The following RUSC2 variants were observed in gnomAD, a reference collection of about 807,000 sequenced individuals.
RUSC2 encodes the protein RUN and SH3 domain containing 2.
In RUSC2, 34 loss-of-function variants were observed where a neutral mutation model predicts 122.2. The observed-to-expected ratio is 0.28, with a 90% CI of 0.21 to 0.37. The LOEUF is 0.37. Among genes scored for constraint, RUSC2 ranks in the 10% least tolerant of loss-of-function variants. The pLI, the probability that RUSC2 is intolerant of heterozygous loss-of-function variation, is 1.00. For synonymous variants in RUSC2, 784 were observed against 790.0 expected (o/e 0.99, Z 0.13); for missense variants, 1,747 against 1,952.4 (o/e 0.89, Z 1.98).
chr9:35,523,057 T>G (rs1269307541), intron 1 of RUSC2, among the ~76,000 whole-genome samples: 1 of 152,230 alleles, frequency 6.6e-6, no homozygotes, highest in Non-Finnish European at 1.5e-5. Flanking sequence ...AAAAATTACC[T>G]TCTTGGACAG....
chr9:35,555,118 A>C lies in RUSC2; in HGVS notation c.2073A>C (p.Thr691=). 4.3e-6 allele frequency: 7 copies of C among 1,613,328 alleles called. No individual in the cohort carries two copies. Among genetic ancestry groups the C allele is most frequent in the Non-Finnish European group, 5.9e-6 (7 of 1,179,898 alleles). Residue 691 remains threonine, a synonymous_variant, in exon 3 of 12, where the codon ACA becomes ACC. Transcript: ENST00000361226. This position sits in a 1 kb window ranked among gnomAD's most constrained non-coding sequence, Gnocchi z 4.6. ...LRYSKEQRPT[T]LPIQPFVFQH... ...ACAGCAAGGAACAGAGGCCAACCAC[A>C]CTGCCCATCCAGCCCTTCGTGTTCC... is the stretch of plus-strand genomic sequence containing the variant.
rs375918282 is a variant in RUSC2, at chr9:35,548,504, T to A, written c.1983T>A (p.His661Gln). 1 of 1,613,194 alleles carries A rather than the reference T, an allele frequency of 6.2e-7. No individual in the cohort carries two copies. The highest frequency in any genetic ancestry group is 1.3e-5 in the African/African-American group (1 of 75,044). ...TCCCAGGGAGCCCAGCCAACAGCCA[T>A]ACCCAGAGGGATGCAAGAGCTAGAG... ...PALPGSPANS[H>Q]TQRDARARAD... Residue 661 changes from histidine (H) to glutamine (Q), a missense_variant, in exon 2 of 12, where the codon CAT becomes CAA. His to Gln is a conservative substitution (Grantham distance 24). Coordinates refer to ENST00000361226, the MANE Select transcript of RUSC2 (RefSeq NM_014806.5). The surrounding 1 kb of genome is among the most constrained non-coding windows in gnomAD (Gnocchi z 4.5).
chr9:35,559,400 C>A, intron 9 of RUSC2, 128 bp downstream of exon 9: 1 of 805,048 alleles, frequency 1.2e-6, no homozygotes, highest in Non-Finnish European at 2.1e-6. Flanking sequence ...ATCCTCAGAG[C>A]CTCAGGCTTC....
At chr9:35,522,278 C>T (rs1201821732) in intron 1 of RUSC2, among the ~76,000 whole-genome samples, 1 of 152,210 alleles carries the variant, frequency 6.6e-6, no homozygotes, top group African/African-American at 2.4e-5. Flanking sequence ...ATGTTTCTGT[C>T]AGTTAATTAT....
chr9:35,493,906 G>A (rs1820619098), intron 1 of RUSC2, among the ~76,000 whole-genome samples: 1 of 152,148 alleles, frequency 6.6e-6, no homozygotes, highest in African/African-American at 2.4e-5. Context: ...TCTATCTTTT[G>A]GCTATTATGA....
At chr9:35,504,003 G>T (rs960752355) in intron 1 of RUSC2, among the ~76,000 whole-genome samples, 1 of 152,114 alleles carries the variant, frequency 6.6e-6, no homozygotes, top group Non-Finnish European at 1.5e-5. Flanking sequence ...TCAAACTCCT[G>T]GCCTCAAGTG....
intron 1 of RUSC2, among the ~76,000 whole-genome samples, chr9:35,541,994 C>T (rs980418966): frequency 2.0e-5 from 3 of 151,374 alleles, no homozygotes; most frequent in African/African-American, 7.3e-5. Context: ...GATGGCTCTG[C>T]CTCCTTTGGA....
Position 35,556,275 on chromosome 9 carries a change from G to A in RUSC2, c.2843-33G>A, listed in dbSNP as rs746761001. 7 of 1,611,668 alleles carry A rather than the reference G, an allele frequency of 4.3e-6. No individual in the cohort carries two copies. The South Asian group carries it at 5.5e-5, about 13-fold the overall frequency. ...CTGGCCTGGAACTCCTGCACTGAGAGTTGCTCAGGATTGATTTTTCTCTTC... is the reference window on the plus strand; with the variant it reads ...CTGGCCTGGAACTCCTGCACTGAGAATTGCTCAGGATTGATTTTTCTCTTC... On this transcript the variant is annotated intron_variant, in intron 4 of 11. Transcript: ENST00000361226.
chr9:35,532,390 G>A (rs1057308327), intron 1 of RUSC2, among the ~76,000 whole-genome samples: 1 of 152,208 alleles, frequency 6.6e-6, no homozygotes. Context: ...GCCAGGTATT[G>A]TTTTATTAAA....
At position 35,560,990 on chromosome 9, in the gene RUSC2, G is replaced by C; in HGVS notation, c.4242G>C (p.Lys1414Asn). The C allele has an allele frequency of 6.2e-7, 1 of 1,614,222 alleles. No individual in the cohort carries two copies. Among genetic ancestry groups the C allele is most frequent in the South Asian group, 1.1e-5 (1 of 91,082 alleles). Residue 1414 changes from lysine (K) to asparagine (N), a missense_variant, in exon 11 of 12, where the codon AAG becomes AAC. Transcript: ENST00000361226. Reference protein sequence around the residue: ...RLPSDWLSLDKSMFQLVAQTV... With the variant: ...RLPSDWLSLDNSMFQLVAQTV... ...CCTCGGACTGGCTGAGCCTGGACAA[G>C]TCCATGTTCCAACTAGTGGCGCAGA...
chr9:35,541,944 T>G (rs1389032877), intron 1 of RUSC2, among the ~76,000 whole-genome samples: 1 of 143,894 alleles, frequency 6.9e-6, no homozygotes, highest in Admixed American at 6.9e-5. Flanking sequence ...TTTTTAAAAT[T>G]TTATAAATAT....
In RUSC2 at chr9:35,518,915, A is replaced by G. The variant is rs533735323; in HGVS notation, c.-92-27515A>G. On this transcript the variant is annotated intron_variant, in intron 1 of 11. Coordinates refer to ENST00000361226, the MANE Select transcript of RUSC2 (RefSeq NM_014806.5). ...GCAGTCTTTCTTTGTTTTTATTCAG[A>G]TGATTTCAATGCAGCCAATTTGTGT... Among the ~76,000 whole-genome samples, 4 of 152,240 alleles carry G rather than the reference A, an allele frequency of 2.6e-5. No individual in the cohort carries two copies. In the South Asian group the frequency reaches 8.3e-4, roughly 32 times the overall value.
chr9:35,504,774 G>C (rs1820881518), intron 1 of RUSC2, among the ~76,000 whole-genome samples: 1 of 152,122 alleles, frequency 6.6e-6, no homozygotes, highest in East Asian at 1.9e-4. Context: ...CAAGATCTTA[G>C]TTTTAAGTGA....
At chr9:35,493,284 T>A (rs1820604774) in intron 1 of RUSC2, among the ~76,000 whole-genome samples, 1 of 152,188 alleles carries the variant, frequency 6.6e-6, no homozygotes, top group Non-Finnish European at 1.5e-5. Context: ...AGCCTCCAGC[T>A]CCATCTATGT....
intron 1 of RUSC2, among the ~76,000 whole-genome samples, chr9:35,516,768 T>TAA (rs1339055734): frequency 1.1e-4 from 16 of 152,140 alleles, no homozygotes; most frequent in Admixed American, 1.0e-3. Context: ...GAGAGGCCTT[T>TAA]AAGGTCTAGA....
Position 35,555,008 on chromosome 9 carries a change from A to T in RUSC2, c.2015-52A>T, listed in dbSNP as rs976191519. The T allele has an allele frequency of 2.5e-6, 4 of 1,597,914 alleles. No homozygotes were observed. The highest frequency in any genetic ancestry group is 1.3e-5 in the African/African-American group (1 of 74,504). On this transcript the variant is annotated intron_variant, in intron 2 of 11. Transcript: ENST00000361226. The surrounding 1 kb of genome is among the most constrained non-coding windows in gnomAD (Gnocchi z 4.6). ...CATCTCTGCTTCTGGGTTTTCTCTC[A>T]TATGGGTTTCAGTGTCTGTCTACTG...
At chr9:35,552,978 CT>C (rs1230667318) in intron 2 of RUSC2, among the ~76,000 whole-genome samples, 3 of 152,114 alleles carry the variant, frequency 2.0e-5, no homozygotes, top group Admixed American at 2.0e-4. Context: ...TTCAGACATA[CT>C]TTGTATAGGG....
Position 35,547,730 on chromosome 9 carries a change from C to G in RUSC2, c.1209C>G (p.Asp403Glu). 6.2e-7 allele frequency: 1 copy of G among 1,614,184 alleles called. No individual in the cohort carries two copies. The highest frequency in any genetic ancestry group is 8.5e-7 in the Non-Finnish European group (1 of 1,180,054). ...ATTACTATAAACTTGTCACCTGTGA[C>G]CTATCTTCCCAATCATCCCCAAGCC... The part of the protein sequence containing the change: ...TQNYYKLVTC[D>E]LSSQSSPSPA... The change falls in exon 2 of 12, where the codon GAC becomes GAG. Residue 403 changes from aspartate to glutamate, a missense_variant. By Grantham distance (45) the Asp-to-Glu change is conservative. Transcript: ENST00000361226. This position sits in a 1 kb window ranked among gnomAD's most constrained non-coding sequence, Gnocchi z 4.6.
At position 35,547,919 on chromosome 9, in the gene RUSC2, A is replaced by G. The variant is rs764362222; in HGVS notation, c.1398A>G (p.Gln466=). Residue 466 remains glutamine (Q), a synonymous_variant, in exon 2 of 12, where the codon CAA becomes CAG. Transcript: ENST00000361226. This position sits in a 1 kb window ranked among gnomAD's most constrained non-coding sequence, Gnocchi z 4.6. ...EEQEAVSSST[Q]AAAAVGPTVL... is the part of the protein sequence containing the mutation. Reference sequence around the variant, plus strand: ...AAGAAGCAGTGAGTTCCTCCACCCAAGCAGCAGCTGCTGTGGGCCCCACTG... The same window carrying G: ...AAGAAGCAGTGAGTTCCTCCACCCAGGCAGCAGCTGCTGTGGGCCCCACTG... 12 of 1,614,076 alleles carry G rather than the reference A, an allele frequency of 7.4e-6. No individual in the cohort carries two copies. The highest frequency in any genetic ancestry group is 1.3e-5 in the African/African-American group (1 of 74,930).
Sources: allele counts gnomAD v4.1 joint callset (sites outside exome capture counted in the v4.1 genomes callset), GRCh38; gene constraint gnomAD v4.1.1; non-coding constraint Gnocchi (gnomAD v3.1); transcripts MANE v1.5; gene names NCBI Gene and HGNC (gene_info 2026-07-23, HGNC 2026-07-21).